PIP5K1A: variants seen among roughly 807,000 people sequenced by gnomAD.
PIP5K1A encodes phosphatidylinositol 4-phosphate 5-kinase type-1 alpha.
Under a neutral mutation model 72.9 loss-of-function variants are expected in PIP5K1A, and 46 were observed. The observed-to-expected ratio is 0.63, with a 90% CI of 0.50 to 0.81. PIP5K1A has a LOEUF of 0.81. Ranked by LOEUF, PIP5K1A falls within the 30% of genes least tolerant of loss-of-function variation. The pLI is 0.00. For missense variants in PIP5K1A, 458 were observed against 706.1 expected (o/e 0.65, Z 3.98); for synonymous variants, 228 against 255.1 (o/e 0.89, Z 1.01).
At chr1:151,231,211 CAAAAAA>C (rs33932262) in intron 4 of PIP5K1A, among the ~76,000 whole-genome samples, 1 of 101,490 alleles carries the variant, frequency 9.9e-6, no homozygotes, top group Non-Finnish European at 2.0e-5. Flanking sequence ...GACTTAGTCT[CAAAAAA>C]AAAAAAAAAA....
At chr1:151,234,904 C>A (rs984467125) in intron 8 of PIP5K1A, among the ~76,000 whole-genome samples, 16 of 152,188 alleles carry the variant, frequency 1.1e-4, no homozygotes, top group Non-Finnish European at 2.1e-4. Context: ...CAATATCGAT[C>A]TTCAGTCCAT....
chr1:151,220,647 A>T (rs1363858587), intron 1 of PIP5K1A, among the ~76,000 whole-genome samples: 1 of 152,058 alleles, frequency 6.6e-6, no homozygotes, highest in African/African-American at 2.4e-5. Context: ...TTGTGTTTTT[A>T]GTAGAGATGG....
In PIP5K1A at chr1:151,199,091, GC is replaced by G. The variant is rs1230525158; in HGVS notation, c.85+11del. Reference sequence around the variant, plus strand: ...TGTACCTTGTCCTCAGGTAAGCCCGGCAGGGCGTGGGTAGGGAGCTGGTGAG... The same window carrying G: ...TGTACCTTGTCCTCAGGTAAGCCCGGAGGGCGTGGGTAGGGAGCTGGTGAG... On this transcript the variant is annotated intron_variant, in intron 1 of 15. Transcript: ENST00000368888. 3.1e-6 allele frequency: 5 copies of G among 1,613,860 alleles called. No homozygotes were observed. In the African/African-American group the frequency reaches 6.7e-5, roughly 22 times the overall value.
At position 151,238,567 on chromosome 1, in the gene PIP5K1A, A is replaced by G. The variant is rs78145208; in HGVS notation, c.1229+302A>G. The stretch of plus-strand genomic sequence containing the variant: ...TCTGTCTGGCTCTTTGCAAAAACCT[A>G]TGAGATGAGTCATGTTCCACATGGG... On this transcript the variant is annotated intron_variant, in intron 10 of 15. Transcript: ENST00000368888. 6.1e-4 allele frequency: 211 copies of G among 348,032 alleles called. 1 individual carries two copies. The East Asian group carries it at 0.013, about 21-fold the overall frequency. 21.6% of individuals were successfully genotyped at this position (348,032 alleles called of 1,614,324 possible). A position where few individuals can be genotyped will look rare whatever the true frequency, so the allele number is the denominator to read the frequency against.
chr1:151,235,814 T>C (rs1183548649), intron 8 of PIP5K1A, among the ~76,000 whole-genome samples: 4 of 152,098 alleles, frequency 2.6e-5, no homozygotes, highest in Non-Finnish European at 5.9e-5. Flanking sequence ...GAGAGAAAGC[T>C]AAGGGTATGT....
At chr1:151,216,671 T>C (rs1488596871) in intron 1 of PIP5K1A, among the ~76,000 whole-genome samples, 1 of 152,174 alleles carries the variant, frequency 6.6e-6, no homozygotes, top group Non-Finnish European at 1.5e-5. Context: ...CTTCCTGTCC[T>C]GTAGATGGCA....
intron 1 of PIP5K1A, among the ~76,000 whole-genome samples, chr1:151,199,487 A>G (rs1052091128): frequency 2.0e-5 from 3 of 151,934 alleles, no homozygotes; most frequent in African/African-American, 7.3e-5. Flanking sequence ...AGTGGCGTGC[A>G]TCTGTAATCC....
chr1:151,225,336 C>G (rs587679831), intron 3 of PIP5K1A, among the ~76,000 whole-genome samples: 23 of 152,286 alleles, frequency 1.5e-4, no homozygotes, highest in African/African-American at 5.5e-4. Flanking sequence ...CCTGTTTCCA[C>G]TAGTCTCTCA....
intron 1 of PIP5K1A, among the ~76,000 whole-genome samples, chr1:151,202,561 C>G (rs1685351159): frequency 6.6e-6 from 1 of 152,054 alleles, no homozygotes; most frequent in Non-Finnish European, 1.5e-5. Context: ...CAGCCTCAGC[C>G]TCCCGGGTTC....
chr1:151,205,079 GAA>G (rs1685747741), intron 1 of PIP5K1A, among the ~76,000 whole-genome samples: 1 of 152,186 alleles, frequency 6.6e-6, no homozygotes, highest in African/African-American at 2.4e-5. Context: ...CCTGTGAAGT[GAA>G]CAACAGAGAT....
chr1:151,230,661 C>A (rs1689913279), intron 4 of PIP5K1A, among the ~76,000 whole-genome samples: 1 of 152,186 alleles, frequency 6.6e-6, no homozygotes, highest in Non-Finnish European at 1.5e-5. Context: ...CCTGTCTCAG[C>A]CTTCTGAGTA....
chr1:151,207,791 A>T (rs747236721), intron 1 of PIP5K1A, among the ~76,000 whole-genome samples: 15 of 151,506 alleles, frequency 9.9e-5, no homozygotes, highest in Non-Finnish European at 1.9e-4. Context: ...CGGCCTCCCA[A>T]AGTGCTGGGA....
rs1364592028 is a variant in PIP5K1A at position 151,229,388 on chromosome 1, T to C, written c.237+1988T>C. On this transcript the variant is annotated intron_variant, in intron 4 of 15. Transcript: ENST00000368888. Reference sequence around the variant, plus strand: ...TTTTTTTTTTTTTTTCCTGAGGGAGTTTTACTCTTGTTGCCCAGGCTGGAG... The same window carrying C: ...TTTTTTTTTTTTTTTCCTGAGGGAGCTTTACTCTTGTTGCCCAGGCTGGAG... Among the ~76,000 whole-genome samples the C allele has an allele frequency of 1.4e-4, 20 of 143,856 alleles. No homozygotes were observed. In the East Asian group the frequency reaches 3.9e-3, roughly 28 times the overall value. The allele number at this position is 143,856 out of a possible 152,430, so 94.4% of individuals were successfully genotyped here.
At chr1:151,239,900 C>T in intron 11 of PIP5K1A, 55 bp from the exon 12 acceptor site, 1 of 1,242,962 alleles carries the variant, frequency 8.0e-7, no homozygotes, top group Non-Finnish European at 1.2e-6. Flanking sequence ...GGCCCTTGGA[C>T]TAGAGTTCCT....
At chr1:151,215,978 C>T in intron 1 of PIP5K1A, 1 of 1,302,876 alleles carries the variant, frequency 7.7e-7, no homozygotes, top group Non-Finnish European at 1.0e-6. Flanking sequence ...ACTTTCTGTG[C>T]TGTGGGGTCA....
At position 151,248,027 on chromosome 1, in the gene PIP5K1A, A is replaced by G. The variant is rs1192516380; in HGVS notation, c.*162A>G. The G allele has an allele frequency of 1.5e-6, 1 of 679,166 alleles. No homozygotes were observed. Among genetic ancestry groups the G allele is most frequent in the Non-Finnish European group, 2.6e-6 (1 of 380,908 alleles). The allele number at this position is 679,166 out of a possible 1,614,324, so 42.1% of individuals were successfully genotyped here. A position where few individuals can be genotyped will look rare whatever the true frequency, so the allele number is the denominator to read the frequency against. ...CTCCTCCATCTTCTTCCTGAAGAAG[A>G]ACCTTCTCTCCTTCCTCTTCCTCAT... On this transcript the variant is annotated 3_prime_UTR_variant, in exon 16 of 16. Coordinates refer to ENST00000368888, the MANE Select transcript of PIP5K1A (RefSeq NM_001135638.2).
chr1:151,202,425 C>G (rs963360905), intron 1 of PIP5K1A, among the ~76,000 whole-genome samples: 9 of 152,214 alleles, frequency 5.9e-5, no homozygotes, highest in African/African-American at 1.7e-4. Flanking sequence ...CCTAATTCCT[C>G]TGGTACCATG....
At chr1:151,238,432 C>A in intron 10 of PIP5K1A, 167 bp downstream of exon 10, 1 of 591,052 alleles carries the variant, frequency 1.7e-6, no homozygotes, top group Non-Finnish European at 3.1e-6. Context: ...CTTGATTTTG[C>A]CTCTTTCCCC....
chr1:151,199,011 C>G lies in PIP5K1A; in HGVS notation c.15C>G (p.Ser5=). 4 of 1,614,136 alleles carry G rather than the reference C, an allele frequency of 2.5e-6. No homozygotes were observed. Among genetic ancestry groups the G allele is most frequent in the Middle Eastern group, 1.7e-4 (1 of 6,056 alleles). MASA[S]SGPSSSVGFS... is the part of the protein sequence containing the mutation. ...GGGCTGCTAAGATGGCGTCGGCCTC[C>G]TCCGGGCCGTCGTCTTCGGTCGGTT... The change falls in exon 1 of 16, where the codon TCC becomes TCG. Residue 5 remains serine (S), a synonymous_variant. Coordinates refer to ENST00000368888, the MANE Select transcript of PIP5K1A (RefSeq NM_001135638.2).
Sources: gnomAD v4.1 joint callset for allele counts (sites outside exome capture counted in the v4.1 genomes callset) on GRCh38, gnomAD v4.1.1 for gene constraint, MANE v1.5 for transcripts, NCBI Gene and HGNC (gene_info 2026-07-23, HGNC 2026-07-21) for gene names.